DLG2: variants seen among roughly 807,000 people sequenced by gnomAD.
DLG2 encodes the protein discs large MAGUK scaffold protein 2, also known as disks large homolog 2.
In DLG2, 45 loss-of-function variants were observed where a neutral mutation model predicts 132.5. The ratio of observed to expected loss-of-function variants is 0.34; its 90% CI spans 0.27 to 0.44. The LOEUF (loss-of-function observed/expected upper bound fraction) is 0.44. Among genes scored for constraint, DLG2 ranks in the 20% least tolerant of loss-of-function variants. The pLI is 1.00. For synonymous variants in DLG2, 424 were observed against 419.6 expected, an observed-to-expected ratio of 1.01 and a Z score of -0.13; for missense variants, 1,045 against 1,196.9, an observed-to-expected ratio of 0.87 and a Z score of 1.87.
intron 7 of DLG2, among the ~76,000 whole-genome samples, chr11:84,274,477 C>G (rs947727971): frequency 5.9e-5 from 9 of 152,156 alleles, no homozygotes; most frequent in African/African-American, 2.2e-4. Flanking sequence ...TTGTAGGAAA[C>G]AGTTTGATAA....
chr11:84,023,094 G>A (rs545968604), intron 11 of DLG2, among the ~76,000 whole-genome samples: 2 of 152,120 alleles, frequency 1.3e-5, no homozygotes, highest in Admixed American at 1.3e-4. Context: ...TGGTCTTTGG[G>A]GAGTGGGGAT....
At chr11:84,888,294 G>A (rs1332638644) in intron 6 of DLG2, among the ~76,000 whole-genome samples, 3 of 152,082 alleles carry the variant, frequency 2.0e-5, no homozygotes, top group African/African-American at 7.2e-5. Context: ...TTATCCAATC[G>A]ATTCAGGGTC....
intron 3 of DLG2, among the ~76,000 whole-genome samples, chr11:85,305,933 G>A (rs977391746): frequency 4.6e-5 from 7 of 152,140 alleles, no homozygotes; most frequent in Non-Finnish European, 1.0e-4. Context: ...ATTTTCATAT[G>A]TTCCCGGATC....
chr11:84,157,125 T>C (rs74956450), intron 9 of DLG2, among the ~76,000 whole-genome samples: 2,962 of 152,270 alleles, frequency 0.019, 74 homozygotes, highest in African/African-American at 0.066. Flanking sequence ...ATTTCAGTTT[T>C]TATATAGTCA....
At chr11:84,024,979 A>G in intron 11 of DLG2, among the ~76,000 whole-genome samples, 1 of 152,152 alleles carries the variant, frequency 6.6e-6, no homozygotes, top group East Asian at 1.9e-4. Flanking sequence ...TGTGTTAATA[A>G]GTTATAATAT....
chr11:84,942,366 T>C (rs2049555290), intron 6 of DLG2, among the ~76,000 whole-genome samples: 1 of 152,198 alleles, frequency 6.6e-6, no homozygotes, highest in Non-Finnish European at 1.5e-5. Flanking sequence ...GAGTTATTGC[T>C]ATAAACATTC....
In DLG2 at chr11:84,019,865, C is replaced by T. The variant is rs987137528; in HGVS notation, c.920-39223G>A. ...GAAGGAAACAACCTTGCTAATATCT[C>T]GATCTCAGACTTGTACCCTCCAGAA... On this transcript the variant is annotated intron_variant, in intron 11 of 27. Coordinates refer to ENST00000376104, the MANE Select transcript of DLG2 (RefSeq NM_001142699.3). Among the ~76,000 whole-genome samples, 7 of 152,270 alleles carry T rather than the reference C, an allele frequency of 4.6e-5. No homozygotes were observed. In the South Asian group the frequency reaches 8.3e-4, roughly 18 times the overall value.
chr11:83,737,245 ACT>A (rs950954699), intron 18 of DLG2, among the ~76,000 whole-genome samples: 1 of 152,046 alleles, frequency 6.6e-6, no homozygotes, highest in Admixed American at 6.5e-5. Context: ...AGTTAATACA[ACT>A]CTTTTATCAG....
At chr11:83,919,031 G>T (rs1369629740) in intron 15 of DLG2, among the ~76,000 whole-genome samples, 4 of 152,128 alleles carry the variant, frequency 2.6e-5, no homozygotes, top group African/African-American at 9.7e-5. Context: ...GAGTAAGGAA[G>T]TTCTTGTAAG....
chr11:84,704,421 A>G (rs2059568305), intron 6 of DLG2, among the ~76,000 whole-genome samples: 1 of 151,564 alleles, frequency 6.6e-6, no homozygotes, highest in African/African-American at 2.4e-5. Flanking sequence ...CTATAAAACT[A>G]TGGGACGTTA....
At chr11:83,995,887 G>A (rs2093996282) in intron 11 of DLG2, among the ~76,000 whole-genome samples, 1 of 152,056 alleles carries the variant, frequency 6.6e-6, no homozygotes, top group African/African-American at 2.4e-5. Context: ...GAAAACATTG[G>A]GGAAGATTTC....
chr11:85,502,271 G>A (rs1056923084), intron 3 of DLG2, among the ~76,000 whole-genome samples: 1 of 151,944 alleles, frequency 6.6e-6, no homozygotes, highest in Non-Finnish European at 1.5e-5. Flanking sequence ...CCTGTGTGGG[G>A]TGGTGGGCTA....
At chr11:85,026,166 A>G (rs1005180250) in intron 6 of DLG2, among the ~76,000 whole-genome samples, 1 of 152,170 alleles carries the variant, frequency 6.6e-6, no homozygotes, top group Non-Finnish European at 1.5e-5. Flanking sequence ...GCAGCAAAAA[A>G]CAAGCCAAAA....
At chr11:84,891,893 T>C (rs2089454608) in intron 6 of DLG2, among the ~76,000 whole-genome samples, 1 of 152,154 alleles carries the variant, frequency 6.6e-6, no homozygotes. Flanking sequence ...GATAAAAAAA[T>C]AGGATGCACC....
rs536976368 is a variant in DLG2, at chr11:85,450,957, T to C, written c.40+147700A>G. The stretch of plus-strand genomic sequence containing the variant: ...TTTCTAATCATCTCCTCAATCTACA[T>C]TCTCATCCTAAGAAATCTTGACCAC... On this transcript the variant is annotated intron_variant, in intron 3 of 27. Coordinates refer to ENST00000376104, the MANE Select transcript of DLG2 (RefSeq NM_001142699.3). Among the ~76,000 whole-genome samples, 6 of 152,212 alleles carry C rather than the reference T, an allele frequency of 3.9e-5. No homozygotes were observed. The East Asian group carries it at 1.2e-3, about 29-fold the overall frequency.
intron 8 of DLG2, among the ~76,000 whole-genome samples, chr11:84,197,123 A>G (rs1287317805): frequency 6.6e-6 from 1 of 151,816 alleles, no homozygotes; most frequent in African/African-American, 2.4e-5. Context: ...TCTTTTTTAA[A>G]TAGAAGGCTT....
At chr11:85,537,712 T>C (rs1325755795) in intron 3 of DLG2, among the ~76,000 whole-genome samples, 1 of 151,828 alleles carries the variant, frequency 6.6e-6, no homozygotes, top group Non-Finnish European at 1.5e-5. Flanking sequence ...ACTGTGAAGG[T>C]CTGCAGCTTC....
chr11:83,888,642 G>C (rs2068700785), intron 15 of DLG2, among the ~76,000 whole-genome samples: 2 of 152,112 alleles, frequency 1.3e-5, no homozygotes, highest in South Asian at 4.1e-4. Context: ...TCATCACCAA[G>C]TCAATCCTAA....
At chr11:85,495,123 GA>G (rs2093641863) in intron 3 of DLG2, among the ~76,000 whole-genome samples, 1 of 152,054 alleles carries the variant, frequency 6.6e-6, no homozygotes, top group African/African-American at 2.4e-5. Flanking sequence ...TAAAATAATA[GA>G]AATTAAAACA....
Sources: gnomAD v4.1 joint callset for allele counts (sites outside exome capture counted in the v4.1 genomes callset) on GRCh38, gnomAD v4.1.1 for gene constraint, MANE v1.5 for transcripts, NCBI Gene and HGNC (gene_info 2026-07-23, HGNC 2026-07-21) for gene names.